MDGA2: variants seen among roughly 807,000 people sequenced by gnomAD.
The protein encoded by MDGA2 is MAM domain containing glycosylphosphatidylinositol anchor 2.
A neutral mutation model predicts 117.8 loss-of-function variants in MDGA2; 40 were observed. The observed-to-expected ratio is 0.34, with a 90% CI of 0.26 to 0.44. The LOEUF (loss-of-function observed/expected upper bound fraction) is 0.44. Ranked by LOEUF, MDGA2 falls within the 20% of genes least tolerant of loss-of-function variation. The pLI, the probability that MDGA2 is intolerant of heterozygous loss-of-function variation, is 1.00. For missense variants in MDGA2, 1,123 were observed against 1,250.6 expected, an observed-to-expected ratio of 0.90 and a Z score of 1.54; for synonymous variants, 452 against 439.0, an observed-to-expected ratio of 1.03 and a Z score of -0.37.
Position 47,338,299 on chromosome 14 carries a change from A to C in MDGA2, c.281-36749T>G, listed in dbSNP as rs1289909082. On this transcript the variant is annotated intron_variant, in intron 1 of 16. Coordinates refer to ENST00000399232, the MANE Select transcript of MDGA2 (RefSeq NM_001113498.3). ...TCATTTTACTGTCTAGATAGGATAT[A>C]TTAAATATGTAGCCTCTGAAGAACT... Among the ~76,000 whole-genome samples, 5 of 152,070 alleles carry C rather than the reference A, an allele frequency of 3.3e-5. 1 individual carries two copies. The highest frequency in any genetic ancestry group is 9.6e-5 in the African/African-American group (4 of 41,522).
At chr14:47,276,891 T>C (rs1195216080) in intron 2 of MDGA2, among the ~76,000 whole-genome samples, 1 of 152,180 alleles carries the variant, frequency 6.6e-6, no homozygotes, top group Non-Finnish European at 1.5e-5. Flanking sequence ...TTATTTTCCA[T>C]TCATTTCTCT....
intron 3 of MDGA2, among the ~76,000 whole-genome samples, chr14:47,213,097 G>C (rs1427059133): frequency 6.6e-6 from 1 of 152,008 alleles, no homozygotes; most frequent in African/African-American, 2.4e-5. Flanking sequence ...GAGGAAAATA[G>C]ATAAAAGTAG....
chr14:46,864,781 G>T (rs1324904675), intron 14 of MDGA2, among the ~76,000 whole-genome samples: 1 of 151,962 alleles, frequency 6.6e-6, no homozygotes, highest in Non-Finnish European at 1.5e-5. Context: ...ACAGCTCACA[G>T]TTTGGTAGTT....
chr14:47,048,085 T>C (rs1014890305), intron 7 of MDGA2, among the ~76,000 whole-genome samples: 1 of 152,180 alleles, frequency 6.6e-6, no homozygotes. Context: ...ATATCTCAGC[T>C]CTCATTCTAT....
chr14:46,934,483 A>G (rs997711807), intron 9 of MDGA2, among the ~76,000 whole-genome samples: 1 of 152,126 alleles, frequency 6.6e-6, no homozygotes, highest in African/African-American at 2.4e-5. Flanking sequence ...TGAACTGCAA[A>G]TCTTAAAAGT....
chr14:47,575,830 C>T (rs755620659), intron 1 of MDGA2, among the ~76,000 whole-genome samples: 1 of 152,056 alleles, frequency 6.6e-6, no homozygotes, highest in African/African-American at 2.4e-5. Flanking sequence ...TTGAAGGTCA[C>T]ATAAAATATA....
chr14:47,506,083 G>T (rs1295552136), intron 1 of MDGA2, among the ~76,000 whole-genome samples: 2 of 152,088 alleles, frequency 1.3e-5, no homozygotes, highest in African/African-American at 4.8e-5. Flanking sequence ...TAGATAAAGA[G>T]CTATGAGAGT....
intron 1 of MDGA2, among the ~76,000 whole-genome samples, chr14:47,385,432 T>C (rs1285140115): frequency 6.6e-6 from 1 of 152,134 alleles, no homozygotes; most frequent in African/African-American, 2.4e-5. Context: ...ATTTTGTATA[T>C]GAAATTATCT....
chr14:47,555,632 C>T (rs1008601130), intron 1 of MDGA2, among the ~76,000 whole-genome samples: 3 of 152,056 alleles, frequency 2.0e-5, no homozygotes, highest in East Asian at 1.9e-4. Flanking sequence ...CTGCAAGAGA[C>T]ATTTTCCCAG....
Position 47,035,028 on chromosome 14 carries a change from A to G in MDGA2, c.1802T>C (p.Val601Ala), listed in dbSNP as rs377715487. 2.1e-5 allele frequency: 34 copies of G among 1,613,464 alleles called. No individual in the cohort carries two copies. Among genetic ancestry groups the G allele is most frequent in the Non-Finnish European group, 2.7e-5 (32 of 1,179,706 alleles). Residue 601 changes from valine (V) to alanine (A), a missense_variant, in exon 8 of 17, where the codon GTG becomes GCG. Val to Ala is a moderately conservative substitution (Grantham distance 64). Coordinates refer to ENST00000399232, the MANE Select transcript of MDGA2 (RefSeq NM_001113498.3). ...TTACTTACACTGAACGATGAGCTGCACCAAGGCTTCCCTTGGTTTCACGTT... is the reference window on the plus strand; with the variant it reads ...TTACTTACACTGAACGATGAGCTGCGCCAAGGCTTCCCTTGGTTTCACGTT... ...GFNVKPREAL[V>A]QLIVQYPPAV... is the part of the protein sequence containing the mutation.
chr14:47,295,080 G>A (rs1469309879), intron 2 of MDGA2, among the ~76,000 whole-genome samples: 2 of 152,122 alleles, frequency 1.3e-5, no homozygotes, highest in East Asian at 3.9e-4. Flanking sequence ...GCTTCCTAGT[G>A]TTTTGGATTT....
intron 8 of MDGA2, among the ~76,000 whole-genome samples, chr14:47,033,752 T>C (rs1251295628): frequency 1.3e-5 from 2 of 152,142 alleles, no homozygotes; most frequent in Non-Finnish European, 2.9e-5. Context: ...TGCGTGTTTA[T>C]AAGACAAATA....
At chr14:46,906,564 A>G (rs1883501313) in intron 10 of MDGA2, among the ~76,000 whole-genome samples, 2 of 152,146 alleles carry the variant, frequency 1.3e-5, no homozygotes. Flanking sequence ...TCTGTTTAAA[A>G]TTTGGTAAGA....
intron 1 of MDGA2, among the ~76,000 whole-genome samples, chr14:47,462,901 T>C (rs1474035680): frequency 6.6e-6 from 1 of 152,228 alleles, no homozygotes; most frequent in African/African-American, 2.4e-5. Context: ...TCAAAGCACA[T>C]AGAGTTTCAA....
intron 5 of MDGA2, among the ~76,000 whole-genome samples, chr14:47,102,794 C>T (rs920957615): frequency 3.3e-5 from 5 of 152,108 alleles, no homozygotes; most frequent in African/African-American, 7.2e-5. Flanking sequence ...ATGCCCTGGT[C>T]GAACACATTC....
intron 1 of MDGA2, among the ~76,000 whole-genome samples, chr14:47,476,681 T>G (rs2138626370): frequency 1.3e-5 from 2 of 152,318 alleles, no homozygotes; most frequent in Admixed American, 1.3e-4. Context: ...TTATTTTCCC[T>G]AATTCATGTT....
intron 9 of MDGA2, among the ~76,000 whole-genome samples, chr14:46,930,954 C>T (rs1884547157): frequency 1.3e-5 from 2 of 152,164 alleles, no homozygotes; most frequent in South Asian, 2.1e-4. Context: ...CAGTGGCTCA[C>T]GCCTGTAATC....
At chr14:46,928,243 A>G (rs1254200419) in intron 9 of MDGA2, among the ~76,000 whole-genome samples, 1 of 152,170 alleles carries the variant, frequency 6.6e-6, no homozygotes, top group Non-Finnish European at 1.5e-5. Flanking sequence ...ATTCAGTCAC[A>G]AAAACAATAC....
intron 2 of MDGA2, among the ~76,000 whole-genome samples, chr14:47,219,082 C>T (rs1294305844): frequency 6.6e-6 from 1 of 151,844 alleles, no homozygotes; most frequent in Non-Finnish European, 1.5e-5. Context: ...TCCCTTTGTG[C>T]CCTGCTATAT....
Sources: allele counts gnomAD v4.1 joint callset (sites outside exome capture counted in the v4.1 genomes callset), GRCh38; gene constraint gnomAD v4.1.1; transcripts MANE v1.5; gene names NCBI Gene and HGNC (gene_info 2026-07-23, HGNC 2026-07-21).